Variants in ZFPM1 observed in about 807,000 individuals in gnomAD.
The protein encoded by ZFPM1 is zinc finger protein ZFPM1.
In ZFPM1, 28 loss-of-function variants were observed where a neutral mutation model predicts 46.3. The ratio of observed to expected loss-of-function variants is 0.60; its 90% CI spans 0.45 to 0.83. The LOEUF (loss-of-function observed/expected upper bound fraction) is 0.83. Ranked by LOEUF, ZFPM1 falls within the 40% of genes least tolerant of loss-of-function variation. The probability of loss-of-function intolerance (pLI) is 0.00; values close to 1 mark genes in which losing one functional copy is unlikely to be tolerated. For synonymous variants in ZFPM1, 957 were observed against 675.9 expected, an observed-to-expected ratio of 1.42 and a Z score of -6.45; for missense variants, 1,878 against 1,432.4, an observed-to-expected ratio of 1.31 and a Z score of -5.02.
At chr16:88,460,325 A>G (rs528577517) in intron 1 of ZFPM1, among the ~76,000 whole-genome samples, 1 of 152,262 alleles carries the variant, frequency 6.6e-6, no homozygotes, top group South Asian at 2.1e-4. Flanking sequence ...AAGGTGGGTC[A>G]GGAGGAGTGG....
At chr16:88,486,673 T>C (rs1159489686) in intron 2 of ZFPM1, among the ~76,000 whole-genome samples, 2 of 141,540 alleles carry the variant, frequency 1.4e-5, no homozygotes, top group Non-Finnish European at 3.0e-5. Context: ...GCACAGTGGG[T>C]GCTAGGTACA....
intron 2 of ZFPM1, 115 bp from the exon 3 acceptor site, chr16:88,488,914 CTG>C (rs777417604): frequency 1.7e-5 from 25 of 1,471,956 alleles, no homozygotes; most frequent in Non-Finnish European, 2.3e-5. Context: ...GGGGGTGGCT[CTG>C]GGCCCGAGCT....
Position 88,453,695 on chromosome 16 carries a change from C to A in ZFPM1, c.40+17C>A, listed in dbSNP as rs1907395570. ...AGATCAAGCGTGAGTCAAACTTTGC[C>A]CGCGGTCCCCTCCGCGCGCCCGACC... On this transcript the variant is annotated intron_variant, in intron 1 of 9. Transcript: ENST00000319555. 3 of 1,192,778 alleles carry A rather than the reference C, an allele frequency of 2.5e-6. No homozygotes were observed. The highest frequency in any genetic ancestry group is 3.2e-5 in the African/African-American group (2 of 61,778). 73.9% of individuals were successfully genotyped at this position (1,192,778 alleles called of 1,614,324 possible). A position where few individuals can be genotyped will look rare whatever the true frequency, so the allele number is the denominator to read the frequency against.
At chr16:88,520,255 G>C (rs1393078640) in intron 4 of ZFPM1, among the ~76,000 whole-genome samples, 1 of 151,752 alleles carries the variant, frequency 6.6e-6, no homozygotes, top group Non-Finnish European at 1.5e-5. Context: ...TGGATGGATA[G>C]ATGGATGAGT....
rs1359774585 is a variant in ZFPM1, at chr16:88,536,648, A to C, written c.*1669A>C. On this transcript the variant is annotated 3_prime_UTR_variant, in exon 10 of 10. Transcript: ENST00000319555. ...GTGGGCCTGGGTCTGCAGCGCTTTC[A>C]GTGGTCTCTGATGTCTTTGTCCACC... The C allele has an allele frequency of 6.6e-6, 1 of 152,278 alleles. No individual in the cohort carries two copies. 9.4% of individuals were successfully genotyped at this position (152,278 alleles called of 1,614,324 possible).
intron 4 of ZFPM1, among the ~76,000 whole-genome samples, chr16:88,517,167 CGGATGGATGGGTAGAT>C (rs1911354121): frequency 7.9e-6 from 1 of 126,934 alleles, no homozygotes; most frequent in Non-Finnish European, 1.7e-5. Flanking sequence ...GGTAGGTGGA[CGGATGGATGGGTAGAT>C]GGATGGATGG....
intron 2 of ZFPM1, among the ~76,000 whole-genome samples, chr16:88,486,880 C>T (rs1472294820): frequency 6.6e-6 from 1 of 152,098 alleles, no homozygotes; most frequent in Non-Finnish European, 1.5e-5. Context: ...AGTGGTGTCT[C>T]CTGCTAAGAC....
At chr16:88,479,735 A>G (rs1419792245) in intron 1 of ZFPM1, among the ~76,000 whole-genome samples, 1 of 117,748 alleles carries the variant, frequency 8.5e-6, no homozygotes, top group Non-Finnish European at 1.7e-5. Flanking sequence ...CAGCAAGACC[A>G]GGAGGCCAGC....
chr16:88,489,307 C>T (rs1157513472), intron 3 of ZFPM1, 154 bp downstream of exon 3: 21 of 1,226,118 alleles, frequency 1.7e-5, no homozygotes, highest in East Asian at 5.4e-5. Flanking sequence ...TCAGCCAACC[C>T]GTGCAGCTGG....
In ZFPM1 at chr16:88,514,448, C is replaced by T; in HGVS notation, c.330C>T (p.Ala110=). The T allele has an allele frequency of 6.4e-7, 1 of 1,558,408 alleles. No individual in the cohort carries two copies. Among genetic ancestry groups the T allele is most frequent in the Non-Finnish European group, 8.7e-7 (1 of 1,151,450 alleles). Residue 110 remains alanine (A), a synonymous_variant, in exon 4 of 10, where the codon GCC becomes GCT. Transcript: ENST00000319555. ...QRRIRARLSL[A]TGLSWGPFHG... ...GCATACGGGCCCGACTCAGCCTCGC[C>T]ACGGGCCTGTCCTGGGGCCCGTTCC...
intron 4 of ZFPM1, among the ~76,000 whole-genome samples, chr16:88,524,145 G>T (rs985350348): frequency 6.6e-6 from 1 of 152,238 alleles, no homozygotes; most frequent in Non-Finnish European, 1.5e-5. Flanking sequence ...ACCCATCGGA[G>T]GATCAAGCAG....
chr16:88,487,720 C>G (rs1239564733), intron 2 of ZFPM1, among the ~76,000 whole-genome samples: 1 of 152,162 alleles, frequency 6.6e-6, no homozygotes, highest in Admixed American at 6.5e-5. Context: ...GGCCTCACCC[C>G]CATCTGCACA....
chr16:88,536,439 A>G lies in ZFPM1; in HGVS notation c.*1460A>G, dbSNP rs1326782006. ...TCCTGCAGCCTCAGCCTCCCAGAACATTAGGATGACAGGCGCGAGCTACCA... is the reference window on the plus strand; with the variant it reads ...TCCTGCAGCCTCAGCCTCCCAGAACGTTAGGATGACAGGCGCGAGCTACCA... On this transcript the variant is annotated 3_prime_UTR_variant, in exon 10 of 10. Transcript: ENST00000319555. 2.0e-5 allele frequency: 3 copies of G among 152,226 alleles called. No individual in the cohort carries two copies. The highest frequency in any genetic ancestry group is 4.4e-5 in the Non-Finnish European group (3 of 68,044). The allele number at this position is 152,226 out of a possible 1,614,324, so 9.4% of individuals were successfully genotyped here. A position where few individuals can be genotyped will look rare whatever the true frequency, so the allele number is the denominator to read the frequency against.
rs375671290 is a variant in ZFPM1, at chr16:88,536,575, C to G, written c.*1596C>G. On this transcript the variant is annotated 3_prime_UTR_variant, in exon 10 of 10. Coordinates refer to ENST00000319555, the MANE Select transcript of ZFPM1 (RefSeq NM_153813.3). The stretch of plus-strand genomic sequence containing the variant: ...GCAGCGGCCTCTTGCCTCAGAAGCC[C>G]GAGGCACTTCCCAGCCAGTCCAGGG... The G allele has an allele frequency of 5.9e-5, 9 of 152,366 alleles. No homozygotes were observed. The highest frequency in any genetic ancestry group is 1.9e-4 in the African/African-American group (8 of 41,578). 9.4% of individuals were successfully genotyped at this position (152,366 alleles called of 1,614,324 possible).
intron 3 of ZFPM1, among the ~76,000 whole-genome samples, chr16:88,499,752 C>T (rs1910145387): frequency 6.6e-6 from 1 of 152,158 alleles, no homozygotes; most frequent in Admixed American, 6.5e-5. Flanking sequence ...GTAGCCACCC[C>T]ACCCCCATGC....
intron 4 of ZFPM1, among the ~76,000 whole-genome samples, chr16:88,523,868 G>A (rs1005431451): frequency 1.3e-5 from 2 of 152,204 alleles, no homozygotes; most frequent in African/African-American, 4.8e-5. Context: ...GCACAGCCAG[G>A]CCAGGCGCCC....
chr16:88,466,928 G>A (rs1475512304), intron 1 of ZFPM1, among the ~76,000 whole-genome samples: 2 of 152,184 alleles, frequency 1.3e-5, no homozygotes, highest in East Asian at 3.9e-4. Flanking sequence ...AGCATCTGGG[G>A]CCCTTGTGCG....
At chr16:88,477,151 G>A (rs531201392) in intron 1 of ZFPM1, among the ~76,000 whole-genome samples, 69 of 152,360 alleles carry the variant, frequency 4.5e-4, no homozygotes, top group African/African-American at 1.6e-3. Context: ...GGAACCACAG[G>A]AGAGGAGAGG....
intron 3 of ZFPM1, chr16:88,489,379 G>A (rs1909426651): frequency 1.0e-5 from 6 of 579,588 alleles, no homozygotes; most frequent in African/African-American, 1.9e-5. Context: ...GTACAAGGAA[G>A]CGCTGGGGGG....
Sources: gnomAD v4.1 joint callset for allele counts (sites outside exome capture counted in the v4.1 genomes callset) on GRCh38, gnomAD v4.1.1 for gene constraint, MANE v1.5 for transcripts, NCBI Gene and HGNC (gene_info 2026-07-23, HGNC 2026-07-21) for gene names.